The following SCN2A variants were observed in gnomAD, a reference collection of about 807,000 sequenced individuals.
The protein encoded by SCN2A is sodium voltage-gated channel alpha subunit 2.
In SCN2A, 20 loss-of-function variants were observed where a neutral mutation model predicts 188.7. The ratio of observed to expected loss-of-function variants is 0.11; its 90% CI spans 0.07 to 0.15. The LOEUF (loss-of-function observed/expected upper bound fraction) is 0.15. Among genes scored for constraint, SCN2A ranks in the 10% least tolerant of loss-of-function variants. SCN2A has a pLI of 1.00. For synonymous variants in SCN2A, 804 were observed against 833.1 expected (o/e 0.97, Z 0.60); for missense variants, 1,278 against 2,445.0 (o/e 0.52, Z 10.07).
chr2:165,261,368 C>G (rs1694588358), intron 1 of SCN2A, among the ~76,000 whole-genome samples: 1 of 152,156 alleles, frequency 6.6e-6, no homozygotes, highest in Non-Finnish European at 1.5e-5. Flanking sequence ...AGGCTGGTAT[C>G]TGTTTCTAAA....
intron 1 of SCN2A, among the ~76,000 whole-genome samples, chr2:165,291,035 C>CTTTTTTTTTTTTTTT (rs55979694): frequency 1.5e-3 from 116 of 79,948 alleles, no homozygotes; most frequent in East Asian, 2.2e-3. Context: ...TCTTTTCTTT[C>CTTTTTTTTTTTTTTT]TTTTTTTTTT....
rs1042816152 is a variant in SCN2A at position 165,391,176 on chromosome 2, G to A, written c.*1352G>A. 1.3e-5 allele frequency: 2 copies of A among 152,498 alleles called. No homozygotes were observed. Among genetic ancestry groups the A allele is most frequent in the African/African-American group, 2.4e-5 (1 of 41,428 alleles). The allele number at this position is 152,498 out of a possible 1,614,324, so 9.4% of individuals were successfully genotyped here. Reference sequence around the variant, plus strand: ...AGCCATATATCAGTGGTAAAGTGAAGCAAATTGTTCTACCAAGACCTCATT... The same window carrying A: ...AGCCATATATCAGTGGTAAAGTGAAACAAATTGTTCTACCAAGACCTCATT... On this transcript the variant is annotated 3_prime_UTR_variant, in exon 27 of 27. Transcript: ENST00000375437.
intron 1 of SCN2A, among the ~76,000 whole-genome samples, chr2:165,246,375 T>C (rs548894713): frequency 6.6e-6 from 1 of 152,250 alleles, no homozygotes; most frequent in Admixed American, 6.5e-5. Flanking sequence ...TTTACCCTTC[T>C]TCAGACATCC....
At position 165,298,964 on chromosome 2, in the gene SCN2A, G is replaced by GA. The variant is rs1455602088; in HGVS notation, c.386+1835dup. On this transcript the variant is annotated intron_variant, in intron 3 of 26. Transcript: ENST00000375437. ...TGAAAAAATAAGTTTGAATGGATCA[G>GA]AAAAAATCTTTCTTGTCGTGCATCT... is the stretch of plus-strand genomic sequence containing the variant. Among the ~76,000 whole-genome samples the GA allele has an allele frequency of 1.5e-4, 23 of 152,188 alleles. No homozygotes were observed. In the South Asian group the frequency reaches 4.6e-3, roughly 30 times the overall value.
intron 1 of SCN2A, among the ~76,000 whole-genome samples, chr2:165,258,442 G>A (rs2892943): frequency 0.15 from 22,304 of 152,144 alleles, 1,685 homozygotes; most frequent in South Asian, 0.23. Flanking sequence ...GTTGCTTGCT[G>A]GAGAGATTGC....
At chr2:165,308,117 A>T (rs575896658) in intron 4 of SCN2A, among the ~76,000 whole-genome samples, 180 bp downstream of exon 4, 1 of 152,254 alleles carries the variant, frequency 6.6e-6, no homozygotes, top group African/African-American at 2.4e-5. Flanking sequence ...GGGCTCACTT[A>T]GTTGTGTAAA....
chr2:165,252,142 T>A (rs1399862281), intron 1 of SCN2A, among the ~76,000 whole-genome samples: 1 of 151,576 alleles, frequency 6.6e-6, no homozygotes, highest in Non-Finnish European at 1.5e-5. Context: ...GAAAAAAAAA[T>A]AGAAGCAAGT....
chr2:165,306,003 C>T (rs1697106041), intron 3 of SCN2A, among the ~76,000 whole-genome samples: 1 of 152,082 alleles, frequency 6.6e-6, no homozygotes, highest in Non-Finnish European at 1.5e-5. Context: ...CTGAAGTCTT[C>T]TGGAATGGGG....
At chr2:165,243,895 T>C (rs938863433) in intron 1 of SCN2A, 2 of 152,192 alleles carry the variant, frequency 1.3e-5, no homozygotes, top group African/African-American at 4.8e-5. Context: ...ATTGAAATAT[T>C]ATTTCTATTA....
chr2:165,379,892 A>G (rs1411657532), intron 23 of SCN2A, among the ~76,000 whole-genome samples: 1 of 151,788 alleles, frequency 6.6e-6, no homozygotes, highest in Admixed American at 6.6e-5. Flanking sequence ...CAAACCTACT[A>G]TCACACAGTT....
At chr2:165,299,808 T>C (rs944948948) in intron 3 of SCN2A, among the ~76,000 whole-genome samples, 3 of 152,212 alleles carry the variant, frequency 2.0e-5, no homozygotes, top group African/African-American at 2.4e-5. Context: ...TTGGCCACAG[T>C]TGGGAGGTCA....
At chr2:165,278,458 A>G (rs1360074707) in intron 1 of SCN2A, among the ~76,000 whole-genome samples, 1 of 152,182 alleles carries the variant, frequency 6.6e-6, no homozygotes, top group African/African-American at 2.4e-5. Flanking sequence ...TAAAATCATC[A>G]GATTTTGTAA....
chr2:165,242,352 T>A (rs758346550), intron 1 of SCN2A, among the ~76,000 whole-genome samples: 1 of 152,110 alleles, frequency 6.6e-6, no homozygotes, highest in Admixed American at 6.6e-5. Context: ...GTGAAAATAA[T>A]GTGAGAAGTT....
intron 3 of SCN2A, among the ~76,000 whole-genome samples, chr2:165,303,187 T>C (rs1473753085): frequency 6.6e-6 from 1 of 152,086 alleles, no homozygotes; most frequent in Non-Finnish European, 1.5e-5. Flanking sequence ...GTGGGGTTTC[T>C]ATACTTTTTT....
At chr2:165,339,558 A>G (rs1019514209) in intron 14 of SCN2A, among the ~76,000 whole-genome samples, 1 of 152,006 alleles carries the variant, frequency 6.6e-6, no homozygotes, top group East Asian at 2.0e-4. Flanking sequence ...TTTATTTACC[A>G]TAATATCAAA....
In SCN2A at chr2:165,389,170, G is replaced by T. The variant is rs199925238; in HGVS notation, c.5364G>T (p.Glu1788Asp). ...GTGTTGCTACTGAAGAAAGTGCAGA[G>T]CCTCTGAGTGAGGATGACTTTGAGA... ...NFSVATEESA[E>D]PLSEDDFEMF... Residue 1788 changes from glutamate (E) to aspartate (D), a missense_variant, in exon 27 of 27, where the codon GAG becomes GAT. Physicochemically the swap from Glu to Asp is conservative, Grantham distance 45. Transcript: ENST00000375437. This position sits in a 1 kb window ranked among gnomAD's most constrained non-coding sequence, Gnocchi z 4.2. The T allele has an allele frequency of 3.7e-6, 6 of 1,614,082 alleles. No individual in the cohort carries two copies. Among genetic ancestry groups the T allele is most frequent in the Non-Finnish European group, 5.1e-6 (6 of 1,179,994 alleles).
At chr2:165,338,367 C>T (rs1299029549) in intron 14 of SCN2A, among the ~76,000 whole-genome samples, 2 of 148,742 alleles carry the variant, frequency 1.3e-5, no homozygotes, top group Non-Finnish European at 3.0e-5. Context: ...TCACGTTGTT[C>T]TGCTGCCTTA....
At chr2:165,331,680 AC>A in intron 14 of SCN2A, 112 bp downstream of exon 14, 1 of 864,982 alleles carries the variant, frequency 1.2e-6, no homozygotes, top group South Asian at 1.4e-5. Context: ...GTATATCTTG[AC>A]ATCAAATGTT....
chr2:165,252,815 C>G (rs1009454945), intron 1 of SCN2A, among the ~76,000 whole-genome samples: 2 of 151,742 alleles, frequency 1.3e-5, no homozygotes, highest in African/African-American at 4.8e-5. Context: ...AGAGAATGTT[C>G]CACTCTGAGA....
Sources: allele counts gnomAD v4.1 joint callset (sites outside exome capture counted in the v4.1 genomes callset), GRCh38; gene constraint gnomAD v4.1.1; non-coding constraint Gnocchi (gnomAD v3.1); transcripts MANE v1.5; gene names NCBI Gene and HGNC (gene_info 2026-07-23, HGNC 2026-07-21).